The following RNF217 variants were observed in gnomAD, a reference collection of about 807,000 sequenced individuals.
RNF217 encodes the protein E3 ubiquitin-protein ligase RNF217.
Under a neutral mutation model 57.8 loss-of-function variants are expected in RNF217, and 31 were observed. The ratio of observed to expected loss-of-function variants is 0.54; its 90% CI spans 0.40 to 0.72. RNF217 has a LOEUF of 0.72. Among genes scored for constraint, RNF217 ranks in the 30% least tolerant of loss-of-function variants. RNF217 has a pLI of 0.00. For synonymous variants in RNF217, 313 were observed against 294.0 expected, an observed-to-expected ratio of 1.06 and a Z score of -0.66; for missense variants, 696 against 708.3, an observed-to-expected ratio of 0.98 and a Z score of 0.20.
At chr6:124,971,280 T>C (rs1287696104) in intron 1 of RNF217, 2 of 154,338 alleles carry the variant, frequency 1.3e-5, no homozygotes, top group Admixed American at 1.3e-4. Context: ...GCACAAGTCT[T>C]CCAATCCAAG....
chr6:125,080,945 T>C (rs1334220599), intron 4 of RNF217, among the ~76,000 whole-genome samples: 1 of 152,110 alleles, frequency 6.6e-6, no homozygotes, highest in Non-Finnish European at 1.5e-5. Flanking sequence ...ATTATTAGTT[T>C]TCTTTGGACC....
intron 1 of RNF217, among the ~76,000 whole-genome samples, chr6:125,044,866 T>C (rs1357969532): frequency 6.6e-6 from 1 of 152,090 alleles, no homozygotes; most frequent in Non-Finnish European, 1.5e-5. Flanking sequence ...GTTCTTGCAG[T>C]TGGTGCATCA....
At chr6:125,041,370 A>C (rs1026779539) in intron 1 of RNF217, among the ~76,000 whole-genome samples, 2 of 152,100 alleles carry the variant, frequency 1.3e-5, no homozygotes, top group African/African-American at 4.8e-5. Context: ...ATTCCTCTGC[A>C]GTCTGTTCTC....
chr6:125,069,413 G>A (rs1413704133), intron 3 of RNF217, among the ~76,000 whole-genome samples: 1 of 152,028 alleles, frequency 6.6e-6, no homozygotes. Context: ...TTGACTCCCT[G>A]ACATGGCAGT....
At chr6:125,072,079 G>T (rs1788168008) in intron 3 of RNF217, among the ~76,000 whole-genome samples, 1 of 152,178 alleles carries the variant, frequency 6.6e-6, no homozygotes, top group Admixed American at 6.5e-5. Context: ...CTGTTAAAGT[G>T]AGACTGATAA....
chr6:124,983,571 G>T (rs1429252532), intron 1 of RNF217: 2 of 865,856 alleles, frequency 2.3e-6, no homozygotes, highest in Non-Finnish European at 2.8e-6. Flanking sequence ...TCCATCTTCT[G>T]TGGTAGGCTT....
chr6:125,026,929 T>C (rs1245481446), intron 1 of RNF217, among the ~76,000 whole-genome samples: 4 of 152,114 alleles, frequency 2.6e-5, no homozygotes, highest in Non-Finnish European at 4.4e-5. Flanking sequence ...TAAATATTAA[T>C]ATTAATATAT....
intron 4 of RNF217, among the ~76,000 whole-genome samples, chr6:125,077,997 A>G (rs1582783236): frequency 6.6e-6 from 1 of 152,210 alleles, no homozygotes; most frequent in East Asian, 1.9e-4. Flanking sequence ...ATGGAAACCA[A>G]TGCCGTCATT....
chr6:125,012,415 A>G (rs1180873361), intron 1 of RNF217, among the ~76,000 whole-genome samples: 1 of 152,124 alleles, frequency 6.6e-6, no homozygotes, highest in African/African-American at 2.4e-5. Flanking sequence ...TTTTATGTAT[A>G]CCCATTTTAT....
chr6:124,969,419 T>C (rs1783675847), intron 1 of RNF217, among the ~76,000 whole-genome samples: 1 of 152,148 alleles, frequency 6.6e-6, no homozygotes, highest in African/African-American at 2.4e-5. Flanking sequence ...AAATGAACCT[T>C]CCCAAATTGA....
chr6:125,027,488 C>T (rs749322162), intron 1 of RNF217, among the ~76,000 whole-genome samples: 1 of 152,156 alleles, frequency 6.6e-6, no homozygotes, highest in Non-Finnish European at 1.5e-5. Context: ...GACAGGATGT[C>T]ATTCTTTTTT....
chr6:124,998,942 G>A (rs1303271274), intron 1 of RNF217, among the ~76,000 whole-genome samples: 2 of 152,186 alleles, frequency 1.3e-5, no homozygotes, highest in African/African-American at 4.8e-5. Flanking sequence ...AAAAGTACAT[G>A]TGGAATTGAC....
intron 1 of RNF217, among the ~76,000 whole-genome samples, chr6:125,008,009 C>A (rs1376106368): frequency 6.6e-6 from 1 of 152,122 alleles, no homozygotes; most frequent in African/African-American, 2.4e-5. Flanking sequence ...GTAATCCCAG[C>A]ACTTTGGGAG....
intron 1 of RNF217, among the ~76,000 whole-genome samples, chr6:125,019,396 G>A (rs1250293580): frequency 3.9e-5 from 6 of 151,948 alleles, no homozygotes; most frequent in Admixed American, 2.6e-4. Context: ...CCATCCTCTC[G>A]ATAGCTATCA....
intron 1 of RNF217, chr6:125,009,269 A>G: frequency 6.2e-7 from 1 of 1,608,858 alleles, no homozygotes. Context: ...AACCAGTTCA[A>G]GAAAGGGATG....
chr6:125,080,485 G>A (rs1436151920), intron 4 of RNF217, among the ~76,000 whole-genome samples: 3 of 152,012 alleles, frequency 2.0e-5, no homozygotes, highest in Non-Finnish European at 2.9e-5. Flanking sequence ...TTAATTTATA[G>A]AATGATATTG....
intron 1 of RNF217, among the ~76,000 whole-genome samples, chr6:124,993,610 G>A (rs1027438464): frequency 6.6e-5 from 10 of 152,088 alleles, no homozygotes; most frequent in Non-Finnish European, 1.0e-4. Context: ...TAGCCTATTC[G>A]GGTAGATATA....
chr6:125,055,005 G>T (rs1787470433), intron 2 of RNF217, among the ~76,000 whole-genome samples: 1 of 152,156 alleles, frequency 6.6e-6, no homozygotes, highest in Admixed American at 6.6e-5. Context: ...GTAAATAAAA[G>T]AGTGGAGGAA....
At position 125,057,960 on chromosome 6, in the gene RNF217, C is replaced by A. The variant is rs1277918206; in HGVS notation, c.1135C>A (p.Gln379Lys). 1 of 1,610,456 alleles carries A rather than the reference C, an allele frequency of 6.2e-7. No individual in the cohort carries two copies. Among genetic ancestry groups the A allele is most frequent in the Non-Finnish European group, 8.5e-7 (1 of 1,178,130 alleles). Residue 379 changes from glutamine (Q) to lysine (K), a missense_variant, in exon 3 of 6, where the codon CAA becomes AAA. Physicochemically the swap from Gln to Lys is moderately conservative, Grantham distance 53. Coordinates refer to ENST00000521654, the MANE Select transcript of RNF217 (RefSeq NM_001286398.3). ...TACACAGATCCAGTGCCCTACCTGC[C>A]AATTCGTCTGGTGTTTTAAGTGCCA... is the stretch of plus-strand genomic sequence containing the variant. ...SKYKIQCPTCQFVWCFKCHSP... is the reference protein window; with the variant it reads ...SKYKIQCPTCKFVWCFKCHSP...
Sources: allele counts gnomAD v4.1 joint callset (sites outside exome capture counted in the v4.1 genomes callset), GRCh38; gene constraint gnomAD v4.1.1; transcripts MANE v1.5; gene names NCBI Gene and HGNC (gene_info 2026-07-23, HGNC 2026-07-21).